Variants in VPS51 observed in about 807,000 individuals in gnomAD.
The protein encoded by VPS51 is vacuolar protein sorting-associated protein 51 homolog.
A neutral mutation model predicts 65.1 loss-of-function variants in VPS51; 55 were observed. The observed-to-expected ratio is 0.84, with a 90% confidence interval of 0.68 to 1.06. The LOEUF is 1.06. VPS51 is among the 50% of genes least tolerant of loss of function. VPS51 has a pLI of 0.00. For missense variants in VPS51, 943 were observed against 1,101.6 expected, an observed-to-expected ratio of 0.86 and a Z score of 2.04; for synonymous variants, 473 against 489.5, an observed-to-expected ratio of 0.97 and a Z score of 0.44.
Position 65,107,800 on chromosome 11 carries a change from C to A in VPS51, c.506-3C>A. 1 of 1,587,966 alleles carries A rather than the reference C, an allele frequency of 6.3e-7. No homozygotes were observed. Among genetic ancestry groups the A allele is most frequent in the South Asian group, 1.1e-5 (1 of 88,622 alleles). ...GGGGCTAACGTCACCCTCCGTCCCC[C>A]AGGGGTCCACGCGCTGCTGCGGAAG... On this transcript the variant is annotated splice_polypyrimidine_tract_variant and splice_region_variant and intron_variant, in intron 3 of 9. Coordinates refer to ENST00000279281, the MANE Select transcript of VPS51 (RefSeq NM_013265.4). This position sits in a 1 kb window ranked among gnomAD's most constrained non-coding sequence, Gnocchi z 4.0.
Position 65,099,878 on chromosome 11 carries a change from G to A in VPS51, c.358+2751G>A, listed in dbSNP as rs527428174. Among the ~76,000 whole-genome samples the A allele has an allele frequency of 3.9e-5, 6 of 152,276 alleles. No homozygotes were observed. The South Asian group carries it at 1.2e-3, about 32-fold the overall frequency. On this transcript the variant is annotated intron_variant, in intron 2 of 9. Transcript: ENST00000279281. Reference sequence around the variant, plus strand: ...AGCACTCTGAGAGGCCGAGACGGGTGGATCATCTGAGGTCAGGCATTTGAG... The same window carrying A: ...AGCACTCTGAGAGGCCGAGACGGGTAGATCATCTGAGGTCAGGCATTTGAG...
In VPS51 at chr11:65,109,385, G is replaced by C. The variant is rs1281792763; in HGVS notation, c.1549G>C (p.Gly517Arg). Residue 517 changes from glycine (G) to arginine (R), a missense_variant, in exon 6 of 10, where the codon GGT becomes CGT. This residue lies in a region of VPS51 where 855 missense variants were observed against 953.7 expected (regional missense o/e 0.90). Transcript: ENST00000279281. ...CTGCGACAGCCCTGGGGAGAAGGGG[G>C]GTGCCACACCACCTGCCCTGCTCCT... Reference protein sequence around the residue: ...SFCDSPGEKGGATPPALLLLL... With the variant: ...SFCDSPGEKGRATPPALLLLL... 1 of 1,612,386 alleles carries C rather than the reference G, an allele frequency of 6.2e-7. No individual in the cohort carries two copies. Among genetic ancestry groups the C allele is most frequent in the African/African-American group, 1.3e-5 (1 of 74,894 alleles).
Position 65,096,622 on chromosome 11 carries a change from G to T in VPS51, c.228+144G>T. On this transcript the variant is annotated intron_variant, in intron 1 of 9. Coordinates refer to ENST00000279281, the MANE Select transcript of VPS51 (RefSeq NM_013265.4). ...CATAAGAGGACGAACCTCGGCCAGG[G>T]AGTACGAGCAGCTGAGGCGTCTGAG... The T allele has an allele frequency of 4.3e-5, 32 of 749,028 alleles. 1 individual carries two copies. The South Asian group carries it at 6.0e-4, about 14-fold the overall frequency. The allele number at this position is 749,028 out of a possible 1,614,324, so 46.4% of individuals were successfully genotyped here. A position where few individuals can be genotyped will look rare whatever the true frequency, so the allele number is the denominator to read the frequency against.
At position 65,111,849 on chromosome 11, in the gene VPS51, ACCC is replaced by A. The variant is rs879085791; in HGVS notation, c.*263_*265del. ...GGGCAGGGGGCGGTTCCACTTAAAAACCCTGGGACGAGAGCGGTCCTTGTCTGC... is the reference window on the plus strand; with the variant it reads ...GGGCAGGGGGCGGTTCCACTTAAAAATGGGACGAGAGCGGTCCTTGTCTGC... On this transcript the variant is annotated 3_prime_UTR_variant, in exon 10 of 10. Transcript: ENST00000279281. 3.0e-5 allele frequency: 29 copies of A among 975,780 alleles called. No homozygotes were observed. The South Asian group carries it at 4.0e-4, about 13-fold the overall frequency. 60.4% of individuals were successfully genotyped at this position (975,780 alleles called of 1,614,324 possible).
At position 65,108,420 on chromosome 11, in the gene VPS51, C is replaced by T; in HGVS notation, c.949C>T (p.Gln317Ter). The part of the protein sequence containing the change: ...GGSGFVGGLC[Q>*]VAAAYQELFA... Reference sequence around the variant, plus strand: ...CAGTGGCTTCGTGGGCGGCCTCTGCCAGGTGGCGGCGGCCTACCAGGAGCT... The same window carrying T: ...CAGTGGCTTCGTGGGCGGCCTCTGCTAGGTGGCGGCGGCCTACCAGGAGCT... The change falls in exon 5 of 10, where the codon CAG (glutamine) becomes TAG (stop). Residue 317 changes from glutamine to a stop codon, truncating the protein, a stop_gained. Coordinates refer to ENST00000279281, the MANE Select transcript of VPS51 (RefSeq NM_013265.4). LOFTEE classifies it high-confidence loss of function. The T allele has an allele frequency of 6.2e-7, 1 of 1,611,990 alleles. No individual in the cohort carries two copies. Among genetic ancestry groups the T allele is most frequent in the Non-Finnish European group, 8.5e-7 (1 of 1,179,636 alleles).
chr11:65,103,819 C>T (rs993275962), intron 2 of VPS51, among the ~76,000 whole-genome samples: 1 of 152,004 alleles, frequency 6.6e-6, no homozygotes, highest in Non-Finnish European at 1.5e-5. Flanking sequence ...GAAGAGAATA[C>T]CTCTTTCAAT....
At chr11:65,097,234 C>T in intron 2 of VPS51, 107 bp downstream of exon 2, 1 of 1,488,124 alleles carries the variant, frequency 6.7e-7, no homozygotes, top group Non-Finnish European at 9.1e-7. Flanking sequence ...AGATTCCAGT[C>T]TTGTCCTGAC....
In VPS51 at chr11:65,108,438, C is replaced by T. The variant is rs1403128307; in HGVS notation, c.967C>T (p.Gln323Ter). ...GGLCQVAAAY[Q>*]ELFAAQGPAG... ...CCTCTGCCAGGTGGCGGCGGCCTAC[C>T]AGGAGCTGTTTGCGGCCCAGGGCCC... The change falls in exon 5 of 10, where the codon CAG (glutamine) becomes TAG (stop). Residue 323 changes from glutamine to a stop codon, truncating the protein, a stop_gained. Transcript: ENST00000279281. LOFTEE classifies it high-confidence loss of function. 4 of 1,611,734 alleles carry T rather than the reference C, an allele frequency of 2.5e-6. No individual in the cohort carries two copies. Among genetic ancestry groups the T allele is most frequent in the Non-Finnish European group, 3.4e-6 (4 of 1,179,632 alleles).
rs1037791296 is a variant in VPS51, at chr11:65,109,147, G to C, written c.1444-133G>C. The C allele has an allele frequency of 8.0e-6, 9 of 1,125,160 alleles. No individual in the cohort carries two copies. In the African/African-American group the frequency reaches 1.3e-4, roughly 16 times the overall value. The allele number at this position is 1,125,160 out of a possible 1,614,324, so 69.7% of individuals were successfully genotyped here. The stretch of plus-strand genomic sequence containing the variant: ...TGCCCCCACTCAGGGAAGCTGCTCC[G>C]GGGTACTTAGAATGTAGGATGATGC... On this transcript the variant is annotated intron_variant, in intron 5 of 9. Transcript: ENST00000279281.
chr11:65,100,875 G>A (rs1281528602), intron 2 of VPS51, among the ~76,000 whole-genome samples: 1 of 151,890 alleles, frequency 6.6e-6, no homozygotes, highest in African/African-American at 2.4e-5. Context: ...ATAGCCACAA[G>A]GTGGAAGCAA....
Position 65,107,532 on chromosome 11 carries a change from C to A in VPS51, c.359-49C>A. On this transcript the variant is annotated intron_variant, in intron 2 of 9. Transcript: ENST00000279281. This position sits in a 1 kb window ranked among gnomAD's most constrained non-coding sequence, Gnocchi z 4.0. ...GGTGAGAAGGAGCTGAGGTTGCGCC[C>A]GCCCTGCAGTCACCTGCTCTCCCCT... 6.5e-7 allele frequency: 1 copy of A among 1,539,326 alleles called. No homozygotes were observed. Among genetic ancestry groups the A allele is most frequent in the Non-Finnish European group, 8.8e-7 (1 of 1,137,546 alleles).
chr11:65,102,287 G>A lies in VPS51; in HGVS notation c.358+5160G>A, dbSNP rs149332981. Among the ~76,000 whole-genome samples the A allele has an allele frequency of 1.8e-4, 28 of 152,290 alleles. 1 individual carries two copies. The East Asian group carries it at 2.7e-3, about 15-fold the overall frequency. ...CTCCCAAAGTGCTGGGGTTACAGGCGTGAGCCACTGTGCCCAGCCTGCTTT... is the reference window on the plus strand; with the variant it reads ...CTCCCAAAGTGCTGGGGTTACAGGCATGAGCCACTGTGCCCAGCCTGCTTT... On this transcript the variant is annotated intron_variant, in intron 2 of 9. Transcript: ENST00000279281.
At chr11:65,111,109 A>G in intron 9 of VPS51, 1 of 791,566 alleles carries the variant, frequency 1.3e-6, no homozygotes, top group Non-Finnish European at 2.1e-6. Flanking sequence ...GCCTCACTCC[A>G]AGCTCAGGGA....
Position 65,107,599 on chromosome 11 carries a change from A to C in VPS51, c.377A>C (p.Lys126Thr). The change falls in exon 3 of 10, where the codon AAG becomes ACG. Residue 126 changes from lysine to threonine, a missense_variant. By Grantham distance (78) the Lys-to-Thr change is moderately conservative. Coordinates refer to ENST00000279281, the MANE Select transcript of VPS51 (RefSeq NM_013265.4). This position sits in a 1 kb window ranked among gnomAD's most constrained non-coding sequence, Gnocchi z 4.0. ...ISATDTIRKM[K>T]NDFRKMEDEM... is the part of the protein sequence containing the mutation. ...CTCCTAGACACCATCCGGAAGATGA[A>C]GAACGATTTCCGGAAGATGGAGGAT... 1 of 1,594,714 alleles carries C rather than the reference A, an allele frequency of 6.3e-7. No individual in the cohort carries two copies. Among genetic ancestry groups the C allele is most frequent in the Non-Finnish European group, 8.6e-7 (1 of 1,164,552 alleles).
intron 7 of VPS51, 130 bp downstream of exon 7, chr11:65,110,053 C>T (rs1305408335): frequency 2.4e-5 from 25 of 1,039,436 alleles, no homozygotes; most frequent in Non-Finnish European, 3.3e-5. Flanking sequence ...CTGGGCTTCT[C>T]ACGGGGCCAG....
Position 65,111,542 on chromosome 11 carries a change from G to T in VPS51, c.2304G>T (p.Val768=). Residue 768 remains valine (V), a synonymous_variant, in exon 10 of 10, where the codon GTG becomes GTT. Coordinates refer to ENST00000279281, the MANE Select transcript of VPS51 (RefSeq NM_013265.4). ...ASAALRCPDP[V]PMEPSVVEVI... ...CTGCCCTGCGCTGCCCAGACCCTGT[G>T]CCCATGGAGCCCAGTGTGGTTGAGG... is the stretch of plus-strand genomic sequence containing the variant. 6.2e-7 allele frequency: 1 copy of T among 1,611,936 alleles called. No homozygotes were observed. The highest frequency in any genetic ancestry group is 8.5e-7 in the Non-Finnish European group (1 of 1,179,970).
In VPS51 at chr11:65,111,752, G is replaced by GC; in HGVS notation, c.*166dup. 7.8e-7 allele frequency: 1 copy of GC among 1,277,346 alleles called. No individual in the cohort carries two copies. Among genetic ancestry groups the GC allele is most frequent in the Non-Finnish European group, 1.0e-6 (1 of 955,334 alleles). The allele number at this position is 1,277,346 out of a possible 1,614,324, so 79.1% of individuals were successfully genotyped here. ...GCCTTTCCGGGGGCGGGGTTTTGAA[G>GC]CTGAGGCTTCTGAGGCGCCCGCGTC... On this transcript the variant is annotated 3_prime_UTR_variant, in exon 10 of 10. Transcript: ENST00000279281.
In VPS51 at chr11:65,111,369, C is replaced by T; in HGVS notation, c.2131C>T (p.Leu711=). 3.1e-6 allele frequency: 5 copies of T among 1,610,514 alleles called. No homozygotes were observed. The highest frequency in any genetic ancestry group is 4.2e-6 in the Non-Finnish European group (5 of 1,180,000). Residue 711 remains leucine, a synonymous_variant, in exon 10 of 10, where the codon CTG becomes TTG. Transcript: ENST00000279281. ...CATCATCAAGATCAGCCTGAAGACG[C>T]TGCTGGAGTGTGTGCGGCTGCGCAC... ...TGIIKISLKT[L]LECVRLRTFG...
rs143500542 is a variant in VPS51, at chr11:65,109,813, A to T, written c.1768A>T (p.Met590Leu). 6.2e-7 allele frequency: 1 copy of T among 1,610,578 alleles called. No individual in the cohort carries two copies. The highest frequency in any genetic ancestry group is 8.5e-7 in the Non-Finnish European group (1 of 1,179,048). ...GGTGCAGGGCCTGGTCATATCACAGATGCTGCGCAAGAGCGTGGAGACTCG... is the reference window on the plus strand; with the variant it reads ...GGTGCAGGGCCTGGTCATATCACAGTTGCTGCGCAAGAGCGTGGAGACTCG... ...VKVQGLVISQ[M>L]LRKSVETRDW... Residue 590 changes from methionine (M) to leucine (L), a missense_variant, in exon 7 of 10, where the codon ATG (methionine) becomes TTG (leucine). Met to Leu is a conservative substitution (Grantham distance 15). Around this residue, in one of 2 missense-constraint regions of VPS51, gnomAD observed 855 missense variants for 953.7 expected, o/e 0.90. Coordinates refer to ENST00000279281, the MANE Select transcript of VPS51 (RefSeq NM_013265.4).
Sources: gnomAD v4.1 joint callset for allele counts (sites outside exome capture counted in the v4.1 genomes callset) on GRCh38, gnomAD v4.1.1 for gene constraint, gnomAD v4.1.1 regional missense constraint, Gnocchi (gnomAD v3.1) non-coding constraint, MANE v1.5 for transcripts, NCBI Gene and HGNC (gene_info 2026-07-23, HGNC 2026-07-21) for gene names.